The following PITPNC1 variants were observed in gnomAD, a reference collection of about 807,000 sequenced individuals.
The protein encoded by PITPNC1 is phosphatidylinositol transfer protein cytoplasmic 1, also known as cytoplasmic phosphatidylinositol transfer protein 1.
In PITPNC1, 18 loss-of-function variants were observed where a neutral mutation model predicts 44.7. The ratio of observed to expected loss-of-function variants is 0.40; its 90% CI spans 0.28 to 0.60. The LOEUF is 0.60. Ranked by LOEUF, PITPNC1 falls within the 20% of genes least tolerant of loss-of-function variation. The pLI is 0.39. For missense variants in PITPNC1, 290 were observed against 418.4 expected (o/e 0.69, Z 2.68); for synonymous variants, 141 against 149.6 (o/e 0.94, Z 0.42).
At chr17:67,539,493 A>G (rs1455279725) in intron 2 of PITPNC1, among the ~76,000 whole-genome samples, 1 of 152,238 alleles carries the variant, frequency 6.6e-6, no homozygotes, top group Non-Finnish European at 1.5e-5. Context: ...AACTAGACAT[A>G]CTTTGATAAA....
chr17:67,446,049 C>G (rs1567992819), intron 1 of PITPNC1, among the ~76,000 whole-genome samples: 1 of 152,044 alleles, frequency 6.6e-6, no homozygotes, highest in Non-Finnish European at 1.5e-5. Flanking sequence ...CGGGTTCAGG[C>G]AATTCTCCTG....
chr17:67,384,719 C>T (rs914667374), intron 1 of PITPNC1, among the ~76,000 whole-genome samples: 4 of 152,212 alleles, frequency 2.6e-5, no homozygotes, highest in African/African-American at 7.2e-5. Flanking sequence ...GCCACTGCGC[C>T]GGGCCTTGTT....
At chr17:67,631,671 T>TATATATATATATATAA (rs1272988970) in intron 5 of PITPNC1, among the ~76,000 whole-genome samples, 24 of 69,664 alleles carry the variant, frequency 3.4e-4, no homozygotes, top group African/African-American at 1.0e-3. Context: ...TATATATATA[T>TATATATATATATATAA]AAAATATATA....
chr17:67,650,441 CTT>C (rs34611864), intron 6 of PITPNC1, among the ~76,000 whole-genome samples: 1,346 of 70,802 alleles, frequency 0.019, 4 homozygotes, highest in Admixed American at 0.062. Flanking sequence ...AAACCATAGG[CTT>C]TTTTTTTTTT....
intron 1 of PITPNC1, among the ~76,000 whole-genome samples, chr17:67,488,830 A>G (rs1434763719): frequency 6.6e-5 from 10 of 152,200 alleles, no homozygotes; most frequent in Admixed American, 6.5e-4. Flanking sequence ...CATAAGTAGA[A>G]TCACACTGTA....
intron 1 of PITPNC1, among the ~76,000 whole-genome samples, chr17:67,490,592 C>T (rs1426625196): frequency 1.3e-5 from 2 of 152,102 alleles, no homozygotes; most frequent in Non-Finnish European, 2.9e-5. Flanking sequence ...TCCCCGCAGG[C>T]AGGGGACTGC....
At chr17:67,637,138 T>C (rs1043955078) in intron 6 of PITPNC1, among the ~76,000 whole-genome samples, 5 of 152,362 alleles carry the variant, frequency 3.3e-5, no homozygotes, top group African/African-American at 1.2e-4. Context: ...GCACCAGTGC[T>C]TAGCAGGCGC....
chr17:67,608,178 C>T (rs373608423), intron 5 of PITPNC1, among the ~76,000 whole-genome samples: 2 of 149,382 alleles, frequency 1.3e-5, no homozygotes, highest in Non-Finnish European at 3.0e-5. Flanking sequence ...TGCCGATTAT[C>T]GCAAAATGTT....
chr17:67,443,934 C>T (rs757447831), intron 1 of PITPNC1, among the ~76,000 whole-genome samples: 3 of 151,866 alleles, frequency 2.0e-5, no homozygotes, highest in East Asian at 1.9e-4. Context: ...TGCGCCCGGC[C>T]GACACTGGTC....
intron 1 of PITPNC1, among the ~76,000 whole-genome samples, chr17:67,512,907 G>C (rs1470518737): frequency 6.6e-6 from 1 of 152,024 alleles, no homozygotes; most frequent in East Asian, 1.9e-4. Flanking sequence ...TATATCCGGA[G>C]TTATCTAAGC....
Position 67,572,470 on chromosome 17 carries a change from G to GC in PITPNC1, c.295-5716_295-5715insC, listed in dbSNP as rs1185996758. ...ACACCTGAAGAAGCTGGGTAAAGCG[G>GC]GGGGGGGGGGTAAAGAAGAAGGGGG... On this transcript the variant is annotated intron_variant, in intron 4 of 8. Coordinates refer to ENST00000581322, the MANE Select transcript of PITPNC1 (RefSeq NM_012417.4). Among the ~76,000 whole-genome samples, 122 of 67,662 alleles carry GC rather than the reference G, an allele frequency of 1.8e-3. 2 individuals are homozygous for GC. Among genetic ancestry groups the GC allele is most frequent in the African/African-American group, 7.1e-3 (109 of 15,268 alleles). The allele number at this position is 67,662 out of a possible 152,430, so 44.4% of individuals were successfully genotyped here. A position where few individuals can be genotyped will look rare whatever the true frequency, so the allele number is the denominator to read the frequency against.
At chr17:67,387,064 G>A (rs1329063857) in intron 1 of PITPNC1, among the ~76,000 whole-genome samples, 2 of 152,148 alleles carry the variant, frequency 1.3e-5, no homozygotes, top group South Asian at 4.1e-4. Flanking sequence ...AATAATCTTG[G>A]AAACTTTACT....
intron 5 of PITPNC1, among the ~76,000 whole-genome samples, chr17:67,603,894 G>A (rs1484881598): frequency 1.3e-5 from 2 of 151,456 alleles, no homozygotes; most frequent in Non-Finnish European, 2.9e-5. Context: ...CCAAGATGGT[G>A]CCACTGCTCC....
intron 5 of PITPNC1, among the ~76,000 whole-genome samples, chr17:67,588,599 A>G (rs2041352409): frequency 1.3e-5 from 2 of 152,136 alleles, no homozygotes; most frequent in South Asian, 4.2e-4. Flanking sequence ...CATCAAAAGA[A>G]AAAAAATAGA....
chr17:67,474,215 C>T (rs1354277970), intron 1 of PITPNC1, among the ~76,000 whole-genome samples: 3 of 152,092 alleles, frequency 2.0e-5, no homozygotes, highest in Non-Finnish European at 4.4e-5. Context: ...ACACCCTGTT[C>T]CCACAAATGG....
intron 1 of PITPNC1, among the ~76,000 whole-genome samples, chr17:67,447,304 G>A (rs2039112306): frequency 6.6e-6 from 1 of 151,762 alleles, no homozygotes; most frequent in African/African-American, 2.4e-5. Flanking sequence ...TGCTAGGTGG[G>A]AGGGTGCTAA....
intron 1 of PITPNC1, among the ~76,000 whole-genome samples, chr17:67,490,118 G>C (rs1370534368): frequency 3.0e-4 from 4 of 13,180 alleles, no homozygotes; most frequent in African/African-American, 1.3e-3. Context: ...TTTTCTGTGT[G>C]TGTGTGTGTG....
chr17:67,594,642 G>A (rs141280489), intron 5 of PITPNC1, among the ~76,000 whole-genome samples: 119 of 152,268 alleles, frequency 7.8e-4, no homozygotes, highest in African/African-American at 2.8e-3. Flanking sequence ...GATCCTGCTT[G>A]GCACAGCTCT....
chr17:67,575,842 C>CCTTCCTTCCTTT (rs2041137904), intron 4 of PITPNC1, among the ~76,000 whole-genome samples: 1 of 95,048 alleles, frequency 1.1e-5, no homozygotes, highest in African/African-American at 4.1e-5. Context: ...TTCCTTCCTT[C>CCTTCCTTCCTTT]TTTCTTTCTT....
Sources: allele counts gnomAD v4.1 joint callset (sites outside exome capture counted in the v4.1 genomes callset), GRCh38; gene constraint gnomAD v4.1.1; transcripts MANE v1.5; gene names NCBI Gene and HGNC (gene_info 2026-07-23, HGNC 2026-07-21).